PEX7: variants seen among roughly 807,000 people sequenced by gnomAD.
PEX7 encodes the protein peroxisomal biogenesis factor 7, also known as PTS2 receptor.
A neutral mutation model predicts 47.5 loss-of-function variants in PEX7; 34 were observed. That is an observed-to-expected ratio of 0.72 (90% CI 0.54 to 0.95). The LOEUF (loss-of-function observed/expected upper bound fraction) is 0.95. Ranked by LOEUF, PEX7 falls within the 40% of genes least tolerant of loss-of-function variation. The probability of loss-of-function intolerance (pLI) is 0.00; values close to 1 mark genes in which losing one functional copy is unlikely to be tolerated. For missense variants in PEX7, 394 were observed against 400.3 expected (o/e 0.98, Z 0.13); for synonymous variants, 141 against 148.8 (o/e 0.95, Z 0.38).
rs1165554435 is a variant in PEX7 at position 136,869,968 on chromosome 6, C to T, written c.712C>T (p.Leu238Phe). 6.2e-7 allele frequency: 1 copy of T among 1,613,664 alleles called. No homozygotes were observed. Among genetic ancestry groups the T allele is most frequent in the East Asian group, 2.2e-5 (1 of 44,866 alleles). The change falls in exon 7 of 10, where the codon CTT (leucine) becomes TTT (phenylalanine). Residue 238 changes from leucine (L) to phenylalanine (F), a missense_variant. Physicochemically the swap from Leu to Phe is conservative, Grantham distance 22. Transcript: ENST00000318471. Reference protein sequence around the residue: ...LRNVRQPVFELLGHTYAIRRV... With the variant: ...LRNVRQPVFEFLGHTYAIRRV... ...GAATGTACGACAACCAGTGTTTGAA[C>T]TTCTTGGTCATACCTATGCTATTAG...
rs773174452 is a variant in PEX7, at chr6:136,825,309, C to G, written c.188+38C>G. ...AAATTATTAAAGGTATATATTGTTG[C>G]TATTAAAGCCTTAATAGAATTAGGT... On this transcript the variant is annotated intron_variant, in intron 2 of 9. Transcript: ENST00000318471. 2.0e-6 allele frequency: 3 copies of G among 1,468,710 alleles called. No homozygotes were observed. In the South Asian group the frequency reaches 3.4e-5, roughly 17 times the overall value. The allele number at this position is 1,468,710 out of a possible 1,614,324, so 91.0% of individuals were successfully genotyped here.
chr6:136,902,116 T>C (rs1314563053), intron 9 of PEX7, among the ~76,000 whole-genome samples: 2 of 152,218 alleles, frequency 1.3e-5, no homozygotes, highest in Admixed American at 6.5e-5. Context: ...ATTTATCCTT[T>C]AGTCTCATAA....
chr6:136,886,337 T>C (rs892495988), intron 8 of PEX7, among the ~76,000 whole-genome samples: 8 of 152,194 alleles, frequency 5.3e-5, no homozygotes, highest in Admixed American at 5.2e-4. Context: ...TGAGTCATAC[T>C]TGAAGTGAAA....
intron 3 of PEX7, among the ~76,000 whole-genome samples, chr6:136,842,891 G>A (rs1774527261): frequency 6.6e-6 from 1 of 152,158 alleles, no homozygotes; most frequent in South Asian, 2.1e-4. Context: ...GGATGTAATG[G>A]GGCACGTCTT....
chr6:136,867,031 G>A (rs891579565), intron 6 of PEX7, among the ~76,000 whole-genome samples: 5 of 152,084 alleles, frequency 3.3e-5, no homozygotes, highest in Non-Finnish European at 7.4e-5. Flanking sequence ...TCTTAACCCT[G>A]CAATTTTGTA....
intron 5 of PEX7, among the ~76,000 whole-genome samples, chr6:136,848,084 G>A (rs1203885840): frequency 2.6e-5 from 4 of 152,070 alleles, no homozygotes; most frequent in Non-Finnish European, 5.9e-5. Flanking sequence ...TGGATTCCTA[G>A]GTATTTTATT....
chr6:136,851,926 G>A (rs1484655475), intron 5 of PEX7, among the ~76,000 whole-genome samples: 2 of 67,484 alleles, frequency 3.0e-5, no homozygotes, highest in South Asian at 5.2e-4. Flanking sequence ...AGTAGGTTGC[G>A]AAAATTTTCT....
intron 3 of PEX7, among the ~76,000 whole-genome samples, chr6:136,839,486 G>A (rs1774455334): frequency 6.6e-6 from 1 of 152,184 alleles, no homozygotes; most frequent in Non-Finnish European, 1.5e-5. Flanking sequence ...AAAACATTGT[G>A]CGGTGGGTTT....
At chr6:136,856,403 A>G (rs1317769022) in intron 5 of PEX7, among the ~76,000 whole-genome samples, 1 of 151,786 alleles carries the variant, frequency 6.6e-6, no homozygotes, top group East Asian at 1.9e-4. Flanking sequence ...CTTTATAGGC[A>G]TGGTTGAATG....
At chr6:136,825,401 G>A (rs1247892020) in intron 2 of PEX7, 130 bp downstream of exon 2, 1 of 760,092 alleles carries the variant, frequency 1.3e-6, no homozygotes, top group Non-Finnish European at 2.2e-6. Context: ...ATAGGATGAA[G>A]CTTATTTTTA....
chr6:136,828,665 GT>G (rs1774240516), intron 3 of PEX7, among the ~76,000 whole-genome samples: 1 of 152,098 alleles, frequency 6.6e-6, no homozygotes, highest in Non-Finnish European at 1.5e-5. Flanking sequence ...TGATAATCCT[GT>G]TTTTCAACTC....
At chr6:136,843,054 G>T in intron 3 of PEX7, among the ~76,000 whole-genome samples, 1 of 152,154 alleles carries the variant, frequency 6.6e-6, no homozygotes, top group East Asian at 1.9e-4. Context: ...TGATATCATG[G>T]CTTAAGGTAG....
At chr6:136,890,391 A>G (rs77200282) in intron 8 of PEX7, among the ~76,000 whole-genome samples, 2,615 of 152,282 alleles carry the variant, frequency 0.017, 76 homozygotes, top group African/African-American at 0.06. Flanking sequence ...AGTGTGGCCT[A>G]TGGAAGGCAT....
intron 8 of PEX7, among the ~76,000 whole-genome samples, chr6:136,883,765 T>C (rs998041491): frequency 6.6e-6 from 1 of 152,200 alleles, no homozygotes; most frequent in African/African-American, 2.4e-5. Flanking sequence ...ACTCCTTCTT[T>C]GCTTGTTTAT....
chr6:136,896,723 T>A (rs888095604), intron 8 of PEX7, among the ~76,000 whole-genome samples: 1 of 152,204 alleles, frequency 6.6e-6, no homozygotes, highest in East Asian at 1.9e-4. Flanking sequence ...AAATGCTTAT[T>A]TTAAAATCAT....
chr6:136,826,298 G>T, intron 2 of PEX7, 21 bp from the exon 3 acceptor site: 1 of 1,613,224 alleles, frequency 6.2e-7, no homozygotes, highest in Non-Finnish European at 8.5e-7. Context: ...TTTTTTTGTT[G>T]TTTGTTTTTT....
intron 1 of PEX7, among the ~76,000 whole-genome samples, chr6:136,824,275 AC>A (rs1774145731): frequency 6.6e-6 from 1 of 152,120 alleles, no homozygotes; most frequent in Non-Finnish European, 1.5e-5. Context: ...ATCACAGCTC[AC>A]CGTAGCCTCC....
intron 9 of PEX7, among the ~76,000 whole-genome samples, chr6:136,909,502 C>T (rs1775899666): frequency 6.6e-6 from 1 of 152,176 alleles, no homozygotes; most frequent in African/African-American, 2.4e-5. Context: ...CTGGGGACCA[C>T]ATGGCACAAT....
intron 5 of PEX7, among the ~76,000 whole-genome samples, chr6:136,861,958 G>A (rs1303408716): frequency 7.0e-6 from 1 of 142,598 alleles, no homozygotes; most frequent in Non-Finnish European, 1.5e-5. Flanking sequence ...ATACACTGAA[G>A]GCTGGAGAAG....
Sources: gnomAD v4.1 joint callset for allele counts (sites outside exome capture counted in the v4.1 genomes callset) on GRCh38, gnomAD v4.1.1 for gene constraint, MANE v1.5 for transcripts, NCBI Gene and HGNC (gene_info 2026-07-23, HGNC 2026-07-21) for gene names.